The following COL8A1 variants were observed in gnomAD, a reference collection of about 807,000 sequenced individuals.
COL8A1 encodes the protein collagen type VIII alpha 1 chain, also known as collagen alpha-1(VIII) chain.
COL8A1 carries 21 observed loss-of-function variants against 42.7 expected under a neutral mutation model. That is an observed-to-expected ratio of 0.49 (90% confidence interval 0.35 to 0.71). COL8A1 has a LOEUF of 0.71. Ranked by LOEUF, COL8A1 falls within the 30% of genes least tolerant of loss-of-function variation. The probability of loss-of-function intolerance (pLI) is 0.01; values close to 1 mark genes in which losing one functional copy is unlikely to be tolerated. For synonymous variants in COL8A1, 367 were observed against 369.1 expected (o/e 0.99, Z 0.06); for missense variants, 788 against 962.4 (o/e 0.82, Z 2.40).
chr3:99,698,639 G>C (rs1362509261), intron 1 of COL8A1, among the ~76,000 whole-genome samples: 1 of 152,142 alleles, frequency 6.6e-6, no homozygotes, highest in Non-Finnish European at 1.5e-5. Flanking sequence ...ACAATTAGAA[G>C]CTAAACCACT....
At chr3:99,684,970 T>C (rs180812246) in intron 1 of COL8A1, among the ~76,000 whole-genome samples, 2 of 152,360 alleles carry the variant, frequency 1.3e-5, no homozygotes, top group Admixed American at 1.3e-4. Flanking sequence ...CCTCCAGTGA[T>C]ACTTAAAACT....
At chr3:99,669,722 G>A (rs565768379) in intron 1 of COL8A1, among the ~76,000 whole-genome samples, 2 of 152,136 alleles carry the variant, frequency 1.3e-5, no homozygotes, top group East Asian at 3.9e-4. Context: ...AAGAAAGATA[G>A]GAGAGACAAA....
At chr3:99,657,086 T>C (rs1239164868) in intron 1 of COL8A1, among the ~76,000 whole-genome samples, 1 of 152,212 alleles carries the variant, frequency 6.6e-6, no homozygotes, top group Non-Finnish European at 1.5e-5. Context: ...AATAGGAAAA[T>C]GGTATAGCTT....
At chr3:99,671,664 T>G (rs985137942) in intron 1 of COL8A1, among the ~76,000 whole-genome samples, 4 of 151,992 alleles carry the variant, frequency 2.6e-5, no homozygotes, top group African/African-American at 9.7e-5. Flanking sequence ...TTATACTCCA[T>G]GTAACAAGTG....
intron 1 of COL8A1, among the ~76,000 whole-genome samples, chr3:99,703,090 C>T (rs1468906189): frequency 1.3e-5 from 2 of 152,110 alleles, no homozygotes; most frequent in Non-Finnish European, 2.9e-5. Flanking sequence ...TATGCAGGAC[C>T]TCATAATGCA....
At chr3:99,753,800 T>C (rs1049361081) in intron 2 of COL8A1, among the ~76,000 whole-genome samples, 1 of 152,170 alleles carries the variant, frequency 6.6e-6, no homozygotes, top group South Asian at 2.1e-4. Flanking sequence ...ATGCTTTATA[T>C]ATGTTCAATT....
chr3:99,787,748 C>A (rs1278604155), intron 2 of COL8A1, among the ~76,000 whole-genome samples: 1 of 152,126 alleles, frequency 6.6e-6, no homozygotes. Flanking sequence ...CTTTTGACTT[C>A]TTTGACAGTG....
At position 99,753,964 on chromosome 3, in the gene COL8A1, A is replaced by G. The variant is rs371118503; in HGVS notation, c.-4+8943A>G. 3.9e-5 allele frequency among the ~76,000 whole-genome samples: 6 copies of G among 152,350 alleles called. No individual in the cohort carries two copies. In the East Asian group the frequency reaches 5.8e-4, roughly 15 times the overall value. On this transcript the variant is annotated intron_variant, in intron 2 of 3. Transcript: ENST00000652472. ...CTGAACCTAGACAGCTACTGGGAAGATAACTACACTAACCAGTTTCTCTTA... is the reference window on the plus strand; with the variant it reads ...CTGAACCTAGACAGCTACTGGGAAGGTAACTACACTAACCAGTTTCTCTTA...
intron 1 of COL8A1, among the ~76,000 whole-genome samples, chr3:99,697,974 A>G (rs1939428907): frequency 6.6e-6 from 1 of 151,470 alleles, no homozygotes; most frequent in Admixed American, 6.6e-5. Context: ...CCACCCCCTC[A>G]CCCACTGATA....
chr3:99,642,945 A>T (rs772599527), intron 1 of COL8A1, among the ~76,000 whole-genome samples: 2 of 152,254 alleles, frequency 1.3e-5, no homozygotes, highest in Non-Finnish European at 2.9e-5. Flanking sequence ...CATTTTACTT[A>T]TCCAGTACTT....
At chr3:99,770,197 C>T (rs559921773) in intron 2 of COL8A1, among the ~76,000 whole-genome samples, 6 of 152,208 alleles carry the variant, frequency 3.9e-5, no homozygotes, top group Admixed American at 1.3e-4. Context: ...GGGTATAGGG[C>T]AGGACATGTT....
chr3:99,645,662 C>T (rs1035889188), intron 1 of COL8A1, among the ~76,000 whole-genome samples: 5 of 150,780 alleles, frequency 3.3e-5, no homozygotes, highest in African/African-American at 1.2e-4. Context: ...AAAATGTATG[C>T]CATTGTAGTA....
At chr3:99,696,624 C>G (rs188353563) in intron 1 of COL8A1, among the ~76,000 whole-genome samples, 1 of 152,306 alleles carries the variant, frequency 6.6e-6, no homozygotes, top group African/African-American at 2.4e-5. Context: ...ATATGGCCAG[C>G]CACTGGTGGG....
chr3:99,682,615 TAAA>T (rs34375356), intron 1 of COL8A1, among the ~76,000 whole-genome samples: 2 of 142,022 alleles, frequency 1.4e-5, no homozygotes. Flanking sequence ...AATGTGAAAT[TAAA>T]AAAAAAAAAA....
chr3:99,761,400 T>C (rs566562720), intron 2 of COL8A1, among the ~76,000 whole-genome samples: 52 of 152,288 alleles, frequency 3.4e-4, no homozygotes, highest in Non-Finnish European at 6.2e-4. Flanking sequence ...TGATTGTAAA[T>C]GAAGAGACTG....
chr3:99,730,791 C>T (rs549296894), intron 1 of COL8A1, among the ~76,000 whole-genome samples: 2 of 152,224 alleles, frequency 1.3e-5, no homozygotes, highest in South Asian at 4.1e-4. Flanking sequence ...GAGCTCTCAG[C>T]GAACTCATGA....
chr3:99,782,174 G>A (rs1202906987), intron 2 of COL8A1, among the ~76,000 whole-genome samples: 4 of 152,064 alleles, frequency 2.6e-5, no homozygotes, highest in Admixed American at 1.3e-4. Context: ...CCTAAACCAC[G>A]TTTCTTATTT....
Position 99,681,417 on chromosome 3 carries a change from C to A in COL8A1, c.-129+42753C>A, listed in dbSNP as rs1338257504. On this transcript the variant is annotated intron_variant, in intron 1 of 3. Transcript: ENST00000652472. ...ATTTTCCATCCGTAAAATTTTCACA[C>A]CAGTGGCCTTGTTCCATAGGGTCCA... Among the ~76,000 whole-genome samples the A allele has an allele frequency of 3.3e-5, 5 of 152,228 alleles. No homozygotes were observed. The East Asian group carries it at 9.6e-4, about 29-fold the overall frequency.
chr3:99,770,243 G>A, intron 2 of COL8A1, among the ~76,000 whole-genome samples: 1 of 152,210 alleles, frequency 6.6e-6, no homozygotes, highest in East Asian at 1.9e-4. Flanking sequence ...TTCAGGACAG[G>A]TAGGTCAGAG....
Sources: allele counts gnomAD v4.1 joint callset (sites outside exome capture counted in the v4.1 genomes callset), GRCh38; gene constraint gnomAD v4.1.1; transcripts MANE v1.5; gene names NCBI Gene and HGNC (gene_info 2026-07-23, HGNC 2026-07-21).